PCDH11X: variants seen among roughly 807,000 people sequenced by gnomAD.
PCDH11X encodes the protein protocadherin 11 X-linked.
PCDH11X carries 18 observed loss-of-function variants against 53.3 expected under a neutral mutation model. The ratio of observed to expected loss-of-function variants is 0.34; its 90% confidence interval spans 0.23 to 0.50. The LOEUF is 0.50. Ranked by LOEUF, PCDH11X falls within the 20% of genes least tolerant of loss-of-function variation. The probability of loss-of-function intolerance (pLI) is 0.98; values close to 1 mark genes in which losing one functional copy is unlikely to be tolerated. For synonymous variants in PCDH11X, 279 were observed against 393.3 expected (o/e 0.71, Z 3.44); for missense variants, 570 against 1,032.4 (o/e 0.55, Z 6.14).
At chrX:91,802,443 T>C (rs1935967628) in intron 1 of PCDH11X, among the ~76,000 whole-genome samples, 1 of 111,708 alleles carries the variant, frequency 9.0e-6, no homozygotes. Context: ...AAGAAATTTA[T>C]CTTTGCATAT....
intron 8 of PCDH11X, among the ~76,000 whole-genome samples, chrX:92,278,806 G>GTTTTTTTT (rs35000823): frequency 2.1e-5 from 1 of 47,398 alleles, no homozygotes; most frequent in Non-Finnish European, 3.7e-5. Context: ...TCTCTTTTCA[G>GTTTTTTTT]TTTTTTTTTT....
In PCDH11X at chrX:91,878,176, G is replaced by C; in HGVS notation, c.1936G>C (p.Glu646Gln). The C allele has an allele frequency of 4.1e-6, 5 of 1,206,935 alleles. No homozygotes were observed. Among genetic ancestry groups the C allele is most frequent in the Non-Finnish European group, 5.6e-6 (5 of 892,677 alleles). The change falls in exon 6 of 11, where the codon GAG becomes CAG. Residue 646 changes from glutamate to glutamine, a missense_variant. Around this residue, in one of 6 missense-constraint regions of PCDH11X, gnomAD observed 226 missense variants for 457.5 expected, o/e 0.49. Coordinates refer to ENST00000682573, the MANE Select transcript of PCDH11X (RefSeq NM_032968.5). ...QESYTFYVKA[E>Q]DGGRVSRSSS... is the part of the protein sequence containing the mutation. ...ATCTTACACTTTCTATGTAAAGGCT[G>C]AGGATGGTGGTAGAGTATCACGTTC...
intron 10 of PCDH11X, among the ~76,000 whole-genome samples, chrX:92,535,786 ACTACT>A (rs2074647108): frequency 1.8e-5 from 2 of 111,866 alleles, no homozygotes; most frequent in Non-Finnish European, 3.8e-5. Flanking sequence ...ATTTGAGAAC[ACTACT>A]CTAATTTAAA....
At chrX:92,408,495 A>G in intron 9 of PCDH11X, among the ~76,000 whole-genome samples, 1 of 110,860 alleles carries the variant, frequency 9.0e-6, no homozygotes, top group East Asian at 2.8e-4. Flanking sequence ...AGTGTTTGCC[A>G]AAGTTACTGG....
intron 6 of PCDH11X, among the ~76,000 whole-genome samples, chrX:92,131,995 G>A (rs2064980076): frequency 9.3e-6 from 1 of 107,938 alleles, no homozygotes; most frequent in Non-Finnish European, 1.9e-5. Flanking sequence ...CTGGTGGCCA[G>A]GCATAGTGGC....
rs1235911005 is a variant in PCDH11X at position 92,419,767 on chromosome X, C to T, written c.3343+31834C>T. ...CCATCTCAGCTCACTGCAACCTCTG[C>T]CTCCCAGGTTCAAGCAATTCTCCTG... On this transcript the variant is annotated intron_variant, in intron 9 of 10. Coordinates refer to ENST00000682573, the MANE Select transcript of PCDH11X (RefSeq NM_032968.5). Among the ~76,000 whole-genome samples the T allele has an allele frequency of 5.0e-5, 5 of 99,416 alleles. No homozygotes were observed. In the Admixed American group the frequency reaches 5.6e-4, roughly 11 times the overall value. 86.3% of individuals were successfully genotyped at this position (99,416 alleles called of 115,157 possible). A position where few individuals can be genotyped will look rare whatever the true frequency, so the allele number is the denominator to read the frequency against.
intron 9 of PCDH11X, among the ~76,000 whole-genome samples, chrX:92,394,014 C>T (rs938062984): frequency 5.4e-5 from 6 of 110,532 alleles, no homozygotes; most frequent in Non-Finnish European, 7.6e-5. Context: ...ACACGTCTTA[C>T]GATACCATCC....
intron 6 of PCDH11X, among the ~76,000 whole-genome samples, chrX:91,952,360 T>C (rs1340941006): frequency 1.8e-5 from 2 of 110,979 alleles, no homozygotes; most frequent in Non-Finnish European, 3.8e-5. Flanking sequence ...ATGATTTTTC[T>C]TAACTATTTA....
intron 5 of PCDH11X, among the ~76,000 whole-genome samples, chrX:91,861,095 T>G (rs1472955554): frequency 9.0e-6 from 1 of 111,402 alleles, no homozygotes; most frequent in Admixed American, 9.5e-5. Context: ...CAGCTGTAAA[T>G]CCATCTGGTC....
intron 10 of PCDH11X, among the ~76,000 whole-genome samples, chrX:92,480,338 A>G (rs1385658744): frequency 9.0e-6 from 1 of 110,988 alleles, no homozygotes; most frequent in Non-Finnish European, 1.9e-5. Flanking sequence ...CATATTCTGA[A>G]TTCAATTTCT....
chrX:92,201,242 T>G (rs2066385416), intron 6 of PCDH11X, 133 bp from the exon 7 acceptor site: 1 of 872,980 alleles, frequency 1.1e-6, no homozygotes, highest in Non-Finnish European at 1.5e-6. Flanking sequence ...ATAAATAAAC[T>G]ATGATGTCTA....
chrX:92,177,660 A>G (rs1033708037), intron 6 of PCDH11X, among the ~76,000 whole-genome samples: 1 of 111,654 alleles, frequency 9.0e-6, no homozygotes, highest in African/African-American at 3.3e-5. Flanking sequence ...TCATTTTGTG[A>G]GTTAAATCTG....
At chrX:92,509,908 C>A (rs1373820887) in intron 10 of PCDH11X, among the ~76,000 whole-genome samples, 3 of 111,075 alleles carry the variant, frequency 2.7e-5, no homozygotes, top group Admixed American at 9.7e-5. Flanking sequence ...CTCACTGGAG[C>A]CTTAATATCT....
chrX:91,824,781 C>A (rs1449837676), intron 4 of PCDH11X, among the ~76,000 whole-genome samples: 1 of 108,831 alleles, frequency 9.2e-6, no homozygotes, highest in Non-Finnish European at 1.9e-5. Flanking sequence ...TTTTTCTGTT[C>A]TGTTTTTTCC....
intron 9 of PCDH11X, among the ~76,000 whole-genome samples, chrX:92,421,967 G>T (rs993522032): frequency 5.5e-5 from 6 of 109,395 alleles, no homozygotes; most frequent in Non-Finnish European, 1.1e-4. Flanking sequence ...TAGACCTTTG[G>T]AATTGTTTAT....
chrX:92,376,668 A>G (rs2070760230), intron 8 of PCDH11X, among the ~76,000 whole-genome samples: 1 of 112,028 alleles, frequency 8.9e-6, no homozygotes, highest in Non-Finnish European at 1.9e-5. Flanking sequence ...AAATGTTCGG[A>G]GTGCGCTACT....
intron 6 of PCDH11X, among the ~76,000 whole-genome samples, chrX:92,078,471 G>T (rs1198136843): frequency 3.6e-5 from 4 of 111,092 alleles, no homozygotes; most frequent in Non-Finnish European, 7.5e-5. Context: ...TATAATATTT[G>T]CAGGGATAAC....
intron 6 of PCDH11X, among the ~76,000 whole-genome samples, chrX:92,109,126 T>G (rs1299453039): frequency 9.0e-6 from 1 of 111,384 alleles, no homozygotes; most frequent in Non-Finnish European, 1.9e-5. Context: ...GGCTCATGCC[T>G]GTAATCCCAG....
chrX:92,493,646 CTTT>C (rs780482413), intron 10 of PCDH11X, among the ~76,000 whole-genome samples: 2 of 83,884 alleles, frequency 2.4e-5, no homozygotes. Context: ...GCCCCCTTAA[CTTT>C]TTTTTTTTTT....
Sources: allele counts gnomAD v4.1 joint callset (sites outside exome capture counted in the v4.1 genomes callset), GRCh38; gene constraint gnomAD v4.1.1; regional missense constraint gnomAD v4.1.1; transcripts MANE v1.5; gene names NCBI Gene and HGNC (gene_info 2026-07-23, HGNC 2026-07-21).